The following UBE4A variants were observed in gnomAD, a reference collection of about 807,000 sequenced individuals.
UBE4A encodes ubiquitin conjugation factor E4 A.
Under a neutral mutation model 117.9 loss-of-function variants are expected in UBE4A, and 48 were observed. That is an observed-to-expected ratio of 0.41 (90% CI 0.32 to 0.52). The LOEUF (loss-of-function observed/expected upper bound fraction) is 0.52, where lower values mean the gene tolerates loss of function less well. Among genes scored for constraint, UBE4A ranks in the 20% least tolerant of loss-of-function variants. The probability of loss-of-function intolerance (pLI) is 0.33; values close to 1 mark genes in which losing one functional copy is unlikely to be tolerated. For missense variants in UBE4A, 1,067 were observed against 1,296.3 expected, an observed-to-expected ratio of 0.82 and a Z score of 2.72; for synonymous variants, 407 against 450.0, an observed-to-expected ratio of 0.90 and a Z score of 1.21.
intron 18 of UBE4A, 54 bp downstream of exon 18, chr11:118,390,858 C>T: frequency 6.3e-7 from 1 of 1,590,800 alleles, no homozygotes; most frequent in Non-Finnish European, 8.6e-7. Flanking sequence ...CGTTGTCAGC[C>T]AGGCATGATG....
In UBE4A at chr11:118,365,215, C is replaced by T. The variant is rs762392669; in HGVS notation, c.121+14C>T. 2.7e-5 allele frequency: 42 copies of T among 1,579,540 alleles called. No individual in the cohort carries two copies. The highest frequency in any genetic ancestry group is 3.4e-5 in the Non-Finnish European group (39 of 1,163,358). On this transcript the variant is annotated intron_variant, in intron 2 of 19. Coordinates refer to ENST00000252108, the MANE Select transcript of UBE4A (RefSeq NM_001204077.2). ...AGCAACAATCTGGTAAGTGGAGGAG[C>T]CAATAGCAGCAAATAAGATGACCTA...
At chr11:118,386,361 G>T (rs1277685464) in intron 15 of UBE4A, 77 bp from the exon 16 acceptor site, 1 of 1,497,188 alleles carries the variant, frequency 6.7e-7, no homozygotes, top group South Asian at 1.4e-5. Context: ...ACTGGATTTT[G>T]AATAGGACCT....
rs562258494 is a variant in UBE4A at position 118,396,220 on chromosome 11, A to G, written c.3075-94A>G. ...CAAAGTTATAATGCACTCTGGCTTC[A>G]TTCTTAAGATGCGACGCCCAGGTGT... On this transcript the variant is annotated intron_variant, in intron 19 of 19. Transcript: ENST00000252108. 11 of 1,488,674 alleles carry G rather than the reference A, an allele frequency of 7.4e-6. No homozygotes were observed. In the South Asian group the frequency reaches 1.1e-4, roughly 15 times the overall value. 92.2% of individuals were successfully genotyped at this position (1,488,674 alleles called of 1,614,324 possible). A position where few individuals can be genotyped will look rare whatever the true frequency, so the allele number is the denominator to read the frequency against.
chr11:118,369,630 A>T, intron 4 of UBE4A, 95 bp downstream of exon 4: 11 of 736,568 alleles, frequency 1.5e-5, no homozygotes, highest in Non-Finnish European at 2.2e-5. Flanking sequence ...TTGTGTCCAT[A>T]TGTCCATCCC....
intron 2 of UBE4A, among the ~76,000 whole-genome samples, chr11:118,366,015 T>C (rs1348363894): frequency 1.3e-5 from 2 of 152,056 alleles, no homozygotes; most frequent in East Asian, 1.9e-4. Flanking sequence ...TGTTTTTCTT[T>C]TGAGAGAAGG....
At chr11:118,385,004 T>C in intron 15 of UBE4A, 59 bp downstream of exon 15, 1 of 1,427,060 alleles carries the variant, frequency 7.0e-7, no homozygotes, top group South Asian at 1.2e-5. Context: ...TCATCAGCAG[T>C]ACATACATTT....
chr11:118,390,950 T>A (rs1555128317), intron 18 of UBE4A, 146 bp downstream of exon 18: 1 of 1,013,782 alleles, frequency 9.9e-7, no homozygotes, highest in African/African-American at 1.7e-5. Context: ...TGCAGTGTGC[T>A]ATGATCATGC....
intron 2 of UBE4A, among the ~76,000 whole-genome samples, chr11:118,365,769 A>G (rs58595573): frequency 1.3e-5 from 2 of 152,208 alleles, no homozygotes; most frequent in African/African-American, 4.8e-5. Flanking sequence ...AGACTTTTTT[A>G]AAAAATCTGA....
intron 8 of UBE4A, among the ~76,000 whole-genome samples, chr11:118,374,223 C>G (rs941357540): frequency 3.3e-5 from 5 of 152,186 alleles, no homozygotes; most frequent in African/African-American, 1.2e-4. Flanking sequence ...ACAGCTACTT[C>G]TCCCCAACCC....
intron 6 of UBE4A, 33 bp downstream of exon 6, chr11:118,372,699 C>T (rs770531345): frequency 1.2e-6 from 2 of 1,604,652 alleles, no homozygotes; most frequent in African/African-American, 1.4e-5. Context: ...TAAGCTTCTA[C>T]ATTTTGATTT....
chr11:118,391,640 A>G (rs1555128514), intron 18 of UBE4A, among the ~76,000 whole-genome samples: 1 of 149,136 alleles, frequency 6.7e-6, no homozygotes, highest in Non-Finnish European at 1.5e-5. Context: ...TAAAAATACA[A>G]AAAATTAGCC....
chr11:118,393,764 T>C (rs1314285607), intron 19 of UBE4A, among the ~76,000 whole-genome samples: 4 of 151,802 alleles, frequency 2.6e-5, no homozygotes, highest in African/African-American at 9.7e-5. Flanking sequence ...TCTGGCTAAT[T>C]TTTGTATTTG....
chr11:118,390,389 ATATT>A (rs1187437290), intron 17 of UBE4A, among the ~76,000 whole-genome samples: 1 of 145,206 alleles, frequency 6.9e-6, no homozygotes, highest in Non-Finnish European at 1.5e-5. Context: ...TATTTAATAT[ATATT>A]ATTTATAATT....
chr11:118,365,003 T>C, intron 1 of UBE4A, 37 bp from the exon 2 acceptor site: 1 of 1,483,218 alleles, frequency 6.7e-7, no homozygotes, highest in Non-Finnish European at 9.0e-7. Flanking sequence ...TATTGTGTCA[T>C]CTGCCCTCTT....
At chr11:118,375,716 A>C (rs968767368) in intron 9 of UBE4A, among the ~76,000 whole-genome samples, 9 of 152,188 alleles carry the variant, frequency 5.9e-5, no homozygotes, top group Non-Finnish European at 1.3e-4. Context: ...TAGCTTTTAA[A>C]TGTTGTACTT....
At chr11:118,368,844 T>A in intron 3 of UBE4A, 40 bp downstream of exon 3, 1 of 1,606,184 alleles carries the variant, frequency 6.2e-7, no homozygotes, top group Non-Finnish European at 8.5e-7. Flanking sequence ...CCCTTCCTAT[T>A]TGAGCTTGGG....
intron 5 of UBE4A, among the ~76,000 whole-genome samples, chr11:118,371,868 C>T (rs1948612948): frequency 6.6e-6 from 1 of 152,138 alleles, no homozygotes; most frequent in Admixed American, 6.5e-5. Context: ...TGCACTAAAG[C>T]TTTAGTCTCC....
intron 19 of UBE4A, 29 bp from the exon 20 acceptor site, chr11:118,396,275 ATGGAAATAAC>A: frequency 6.3e-7 from 1 of 1,588,658 alleles, no homozygotes; most frequent in Non-Finnish European, 8.5e-7. Flanking sequence ...GTTAGAACTT[ATGGAAATAAC>A]CCTATTTCCC....
chr11:118,392,755 A>G lies in UBE4A; in HGVS notation c.2934A>G (p.Gln978=), dbSNP rs782259280. 24 of 1,613,920 alleles carry G rather than the reference A, an allele frequency of 1.5e-5. No individual in the cohort carries two copies. Among genetic ancestry groups the G allele is most frequent in the African/African-American group, 6.7e-5 (5 of 74,928 alleles). The change falls in exon 19 of 20, where the codon CAA becomes CAG. Residue 978 remains glutamine (Q), a synonymous_variant. Transcript: ENST00000252108. ...ATACTCAGTCTCTTGCAGACCTCCAACAACAGGAAGAGGAAACCTATGCAG... is the reference window on the plus strand; with the variant it reads ...ATACTCAGTCTCTTGCAGACCTCCAGCAACAGGAAGAGGAAACCTATGCAG... ...AERIKSLADL[Q]QQEEETYADA... is the part of the protein sequence containing the mutation.
Sources: allele counts gnomAD v4.1 joint callset (sites outside exome capture counted in the v4.1 genomes callset), GRCh38; gene constraint gnomAD v4.1.1; transcripts MANE v1.5; gene names NCBI Gene and HGNC (gene_info 2026-07-23, HGNC 2026-07-21).